The following RXYLT1 variants were observed in gnomAD, a reference collection of about 807,000 sequenced individuals.
RXYLT1 encodes the protein ribitol-5-phosphate xylosyltransferase 1.
A neutral mutation model predicts 43.5 loss-of-function variants in RXYLT1; 41 were observed. The ratio of observed to expected loss-of-function variants is 0.94; its 90% CI spans 0.73 to 1.22. RXYLT1 has a LOEUF of 1.22. Among genes scored for constraint, RXYLT1 ranks in the 50% most tolerant of loss-of-function variants. The pLI, the probability that RXYLT1 is intolerant of heterozygous loss-of-function variation, is 0.00. For missense variants in RXYLT1, 514 were observed against 532.0 expected, an observed-to-expected ratio of 0.97 and a Z score of 0.33; for synonymous variants, 166 against 194.4, an observed-to-expected ratio of 0.85 and a Z score of 1.21.
At chr12:63,796,651 CAAAAGT>C (rs1160386866) in intron 3 of RXYLT1, among the ~76,000 whole-genome samples, 2 of 151,926 alleles carry the variant, frequency 1.3e-5, no homozygotes, top group Admixed American at 1.3e-4. Flanking sequence ...TTTTAAGAAA[CAAAAGT>C]AAAAGGAGCA....
chr12:63,781,009 TTTA>T lies in RXYLT1; in HGVS notation c.170-9_170-7del. Reference sequence around the variant, plus strand: ...ACCTTACTGGTAAACACTTACTCTTTTTAAAACAGAACAGTCCACTTTGGAAAG... The same window carrying T: ...ACCTTACTGGTAAACACTTACTCTTTAAACAGAACAGTCCACTTTGGAAAG... On this transcript the variant is annotated splice_polypyrimidine_tract_variant and splice_region_variant and intron_variant, in intron 1 of 5. Coordinates refer to ENST00000261234, the MANE Select transcript of RXYLT1 (RefSeq NM_014254.3). The T allele has an allele frequency of 6.4e-7, 1 of 1,570,756 alleles. No individual in the cohort carries two copies. The highest frequency in any genetic ancestry group is 8.6e-7 in the Non-Finnish European group (1 of 1,163,826).
At chr12:63,805,066 G>A (rs554785977) in intron 4 of RXYLT1, 168 bp from the exon 5 acceptor site, 1 of 466,800 alleles carries the variant, frequency 2.1e-6, no homozygotes, top group South Asian at 6.5e-5. Flanking sequence ...TTTTAAGTCA[G>A]TAGATTCAGG....
At chr12:63,787,963 A>G (rs1479676383) in intron 3 of RXYLT1, among the ~76,000 whole-genome samples, 4 of 152,230 alleles carry the variant, frequency 2.6e-5, no homozygotes, top group Non-Finnish European at 4.4e-5. Context: ...TTGAAAGTCA[A>G]AATTACTCCT....
chr12:63,779,921 G>T lies in RXYLT1; in HGVS notation c.-40G>T. ...GGTGTCGCGGATTCTCTTTCCGCCC[G>T]CTCCATGGCGGTGGATGCCTGACTG... On this transcript the variant is annotated 5_prime_UTR_variant, in exon 1 of 6. Coordinates refer to ENST00000261234, the MANE Select transcript of RXYLT1 (RefSeq NM_014254.3). 1.9e-6 allele frequency: 3 copies of T among 1,606,466 alleles called. No individual in the cohort carries two copies. Among genetic ancestry groups the T allele is most frequent in the Non-Finnish European group, 8.5e-7 (1 of 1,178,380 alleles).
At chr12:63,789,044 G>A (rs1156658422) in intron 3 of RXYLT1, among the ~76,000 whole-genome samples, 1 of 152,164 alleles carries the variant, frequency 6.6e-6, no homozygotes, top group Non-Finnish European at 1.5e-5. Flanking sequence ...AGAGGGATAA[G>A]GAAGGGGTTT....
chr12:63,790,621 C>G (rs1396635508), intron 3 of RXYLT1: 1 of 152,326 alleles, frequency 6.6e-6, no homozygotes, highest in African/African-American at 2.4e-5. Flanking sequence ...CTCCCGGGTT[C>G]AAACGATTCT....
chr12:63,785,028 T>C lies in RXYLT1; in HGVS notation c.384T>C (p.Ala128=). The C allele has an allele frequency of 6.2e-7, 1 of 1,613,936 alleles. No individual in the cohort carries two copies. The highest frequency in any genetic ancestry group is 8.5e-7 in the Non-Finnish European group (1 of 1,179,838). ...TACTTGATCCCAGCGATGTGACTGCTCAATGGAGAGAAGGAAAGTCAATCG... is the reference window on the plus strand; with the variant it reads ...TACTTGATCCCAGCGATGTGACTGCCCAATGGAGAGAAGGAAAGTCAATCG... The part of the protein sequence containing the change: ...EGLLDPSDVT[A]QWREGKSIVG... Residue 128 remains alanine, a synonymous_variant, in exon 3 of 6, where the codon GCT becomes GCC. Transcript: ENST00000261234.
intron 3 of RXYLT1, chr12:63,790,230 A>AC (rs1897892736): frequency 4.6e-5 from 7 of 152,254 alleles, no homozygotes; most frequent in African/African-American, 1.7e-4. Flanking sequence ...GGCAGGCTAC[A>AC]ATTGATAACC....
chr12:63,780,146 G>T lies in RXYLT1; in HGVS notation c.169+17G>T. ...GCGGCCGAGGTAGGACTGGGTCGGC[G>T]GCTTCCTTCCGGCTCTGCGCTCCTG... is the stretch of plus-strand genomic sequence containing the variant. On this transcript the variant is annotated intron_variant, in intron 1 of 5. Transcript: ENST00000261234. 1 of 1,457,542 alleles carries T rather than the reference G, an allele frequency of 6.9e-7. No homozygotes were observed. Among genetic ancestry groups the T allele is most frequent in the Non-Finnish European group, 8.9e-7 (1 of 1,118,228 alleles). The allele number at this position is 1,457,542 out of a possible 1,614,324, so 90.3% of individuals were successfully genotyped here. A position where few individuals can be genotyped will look rare whatever the true frequency, so the allele number is the denominator to read the frequency against.
intron 4 of RXYLT1, 107 bp from the exon 5 acceptor site, chr12:63,805,127 C>G (rs1000436915): frequency 2.7e-6 from 2 of 744,826 alleles, no homozygotes; most frequent in Non-Finnish European, 3.9e-6. Flanking sequence ...TTAGAAATCA[C>G]ATTTTAAACC....
chr12:63,793,531 TAAA>T (rs1897963477), intron 3 of RXYLT1, among the ~76,000 whole-genome samples: 1 of 152,078 alleles, frequency 6.6e-6, no homozygotes, highest in Admixed American at 6.6e-5. Flanking sequence ...TAGAAGCAAA[TAAA>T]AAAGAAAACT....
At chr12:63,804,313 CCT>C (rs1898233781) in intron 4 of RXYLT1, 1 of 152,090 alleles carries the variant, frequency 6.6e-6, no homozygotes, top group Non-Finnish European at 1.5e-5. Flanking sequence ...GCTAAGAAAC[CCT>C]GTTATATACA....
At chr12:63,795,976 G>C (rs556913690) in intron 3 of RXYLT1, among the ~76,000 whole-genome samples, 1 of 151,880 alleles carries the variant, frequency 6.6e-6, no homozygotes, top group Non-Finnish European at 1.5e-5. Context: ...CATAATTACC[G>C]TATAATTATT....
chr12:63,808,813 T>G lies in RXYLT1; in HGVS notation c.1053T>G (p.Pro351=), dbSNP rs1898376095. Reference sequence around the variant, plus strand: ...AGGCTTGCTCCTATGGCTCCATTCCTGTGGTGGAAGACGTGATGACAGCTG... The same window carrying G: ...AGGCTTGCTCCTATGGCTCCATTCCGGTGGTGGAAGACGTGATGACAGCTG... ...IYEACSYGSI[P]VVEDVMTAGN... Residue 351 remains proline, a synonymous_variant, in exon 6 of 6, where the codon CCT becomes CCG. Coordinates refer to ENST00000261234, the MANE Select transcript of RXYLT1 (RefSeq NM_014254.3). The G allele has an allele frequency of 1.2e-6, 2 of 1,614,028 alleles. No individual in the cohort carries two copies. The highest frequency in any genetic ancestry group is 2.2e-5 in the South Asian group (2 of 91,062).
At chr12:63,790,377 G>C (rs1406109294) in intron 3 of RXYLT1, 1 of 152,108 alleles carries the variant, frequency 6.6e-6, no homozygotes, top group Non-Finnish European at 1.5e-5. Context: ...TCATCCATAG[G>C]CTGTGCTCAG....
chr12:63,808,850 A>C lies in RXYLT1; in HGVS notation c.1090A>C (p.Asn364His). 1 of 1,614,172 alleles carries C rather than the reference A, an allele frequency of 6.2e-7. No individual in the cohort carries two copies. The change falls in exon 6 of 6, where the codon AAT becomes CAT. Residue 364 changes from asparagine (N) to histidine (H), a missense_variant. Transcript: ENST00000261234. The stretch of plus-strand genomic sequence containing the variant: ...CGTGATGACAGCTGGCAACTGTGGG[A>C]ATACATCTGTGCACCACGGTGCTCC... ...EDVMTAGNCGNTSVHHGAPLQ... is the reference protein window; with the variant it reads ...EDVMTAGNCGHTSVHHGAPLQ...
chr12:63,781,147 G>A lies in RXYLT1; in HGVS notation c.298G>A (p.Val100Ile), dbSNP rs759946097. The A allele has an allele frequency of 5.0e-6, 8 of 1,593,496 alleles. No homozygotes were observed. In the Admixed American group the frequency reaches 8.9e-5, roughly 18 times the overall value. Residue 100 changes from valine to isoleucine, a missense_variant, in exon 2 of 6, where the codon GTA (valine) becomes ATA (isoleucine). Physicochemically the swap from Val to Ile is conservative, Grantham distance 29 (BLOSUM62 3). Coordinates refer to ENST00000261234, the MANE Select transcript of RXYLT1 (RefSeq NM_014254.3). Reference sequence around the variant, plus strand: ...CACGAAAGGAAAAACAGATCTCAGTGTACAAATCTGGGGCAAAGCTGCCAT... The same window carrying A: ...CACGAAAGGAAAAACAGATCTCAGTATACAAATCTGGGGCAAAGCTGCCAT... Reference protein sequence around the residue: ...KSTKGKTDLSVQIWGKAAIGL... With the variant: ...KSTKGKTDLSIQIWGKAAIGL...
chr12:63,790,791 T>C (rs1897904817), intron 3 of RXYLT1, among the ~76,000 whole-genome samples: 1 of 152,220 alleles, frequency 6.6e-6, no homozygotes, highest in Non-Finnish European at 1.5e-5. Context: ...ATTACTTTGC[T>C]GTCTGACCTT....
chr12:63,780,149 T>C lies in RXYLT1; in HGVS notation c.169+20T>C. On this transcript the variant is annotated intron_variant, in intron 1 of 5. Coordinates refer to ENST00000261234, the MANE Select transcript of RXYLT1 (RefSeq NM_014254.3). ...GCCGAGGTAGGACTGGGTCGGCGGC[T>C]TCCTTCCGGCTCTGCGCTCCTGGCT... The C allele has an allele frequency of 2.1e-6, 3 of 1,453,148 alleles. No homozygotes were observed. The highest frequency in any genetic ancestry group is 1.8e-6 in the Non-Finnish European group (2 of 1,116,224). The allele number at this position is 1,453,148 out of a possible 1,614,324, so 90.0% of individuals were successfully genotyped here.
Sources: allele counts gnomAD v4.1 joint callset (sites outside exome capture counted in the v4.1 genomes callset), GRCh38; gene constraint gnomAD v4.1.1; transcripts MANE v1.5; gene names NCBI Gene and HGNC (gene_info 2026-07-23, HGNC 2026-07-21).